The following KRT7 variants were observed in gnomAD, a reference collection of about 807,000 sequenced individuals.
KRT7 encodes keratin, type II cytoskeletal 7.
In KRT7, 50 loss-of-function variants were observed where a neutral mutation model predicts 42.8. That is an observed-to-expected ratio of 1.17 (90% CI 0.93 to 1.48). The LOEUF is 1.48. Among genes scored for constraint, KRT7 ranks in the 40% most tolerant of loss-of-function variants. KRT7 has a pLI of 0.00. For synonymous variants in KRT7, 268 were observed against 266.3 expected (o/e 1.01, Z -0.06); for missense variants, 588 against 637.6 (o/e 0.92, Z 0.84).
intron 3 of KRT7, 91 bp downstream of exon 3, chr12:52,237,660 C>T (rs1942030463): frequency 8.9e-7 from 1 of 1,124,706 alleles, no homozygotes; most frequent in Non-Finnish European, 1.3e-6. Flanking sequence ...CCATGGGGAC[C>T]TCTGGCCAAG....
intron 5 of KRT7, 184 bp downstream of exon 5, chr12:52,241,820 T>C: frequency 1.9e-6 from 1 of 531,500 alleles, no homozygotes; most frequent in Admixed American, 3.4e-5. Context: ...GCAGAGGAAA[T>C]AGATATGGAT....
At chr12:52,237,942 C>T (rs964213185) in intron 3 of KRT7, among the ~76,000 whole-genome samples, 1 of 152,198 alleles carries the variant, frequency 6.6e-6, no homozygotes, top group African/African-American at 2.4e-5. Flanking sequence ...AATGAGCTGC[C>T]TCGAGCCAGC....
chr12:52,250,686 G>A (rs35061948), downstream of KRT7: 159,244 of 585,536 alleles, frequency 0.27, 22,540 homozygotes, highest in Admixed American at 0.3. Flanking sequence ...GCGGCCAGAG[G>A]CCCCTTCTGC....
chr12:52,236,139 A>G (rs1157975104), intron 2 of KRT7, among the ~76,000 whole-genome samples: 2 of 151,922 alleles, frequency 1.3e-5, no homozygotes. Context: ...CTGTGTGACT[A>G]AGCAGGAGTC....
At chr12:52,244,735 C>CT (rs1166216299) in intron 6 of KRT7, 2 of 738,440 alleles carry the variant, frequency 2.7e-6, no homozygotes, top group East Asian at 2.6e-4. Context: ...AGAGGGCACT[C>CT]TAAGGCCAGG....
intron 3 of KRT7, 22 bp from the exon 4 acceptor site, chr12:52,238,658 C>T: frequency 6.7e-7 from 1 of 1,487,880 alleles, no homozygotes; most frequent in Non-Finnish European, 9.4e-7. Flanking sequence ...CTCCCTCTGC[C>T]CCATCTTGCC....
chr12:52,233,614 C>G lies in KRT7; in HGVS notation c.318C>G (p.Ile106Met). The part of the protein sequence containing the change: ...KTLNNKFASF[I>M]DKVRFLEQQN... ...TCAACAACAAGTTTGCCTCCTTCAT[C>G]GACAAGGTGAGCGGGACTGGACCTC... Residue 106 changes from isoleucine (I) to methionine (M), a missense_variant, in exon 1 of 9, where the codon ATC (isoleucine) becomes ATG (methionine). Physicochemically the swap from Ile to Met is conservative, Grantham distance 10 (BLOSUM62 1). Transcript: ENST00000331817. 2 of 1,612,524 alleles carry G rather than the reference C, an allele frequency of 1.2e-6. No homozygotes were observed. The highest frequency in any genetic ancestry group is 1.9e-4 in the Middle Eastern group (1 of 5,256).
chr12:52,234,129 G>GT (rs1467979094), intron 1 of KRT7, among the ~76,000 whole-genome samples: 3 of 145,378 alleles, frequency 2.1e-5, no homozygotes, highest in Non-Finnish European at 4.5e-5. Flanking sequence ...GGCGGGGGAG[G>GT]GGGGGGGGCT....
chr12:52,252,427 G>A (rs760490332), downstream of KRT7: 96 of 1,614,026 alleles, frequency 5.9e-5, no homozygotes, highest in Non-Finnish European at 4.5e-5. Flanking sequence ...GCATCACTGA[G>A]GGCCGCCTCA....
downstream of KRT7, chr12:52,254,274 C>A: frequency 1.0e-6 from 1 of 954,192 alleles, no homozygotes; most frequent in Non-Finnish European, 1.6e-6. Context: ...CGCACCTCCT[C>A]ATATAGCCGC....
Position 52,248,171 on chromosome 12 carries a change from C to T in KRT7, c.1206-6C>T, listed in dbSNP as rs759361800. ...GCCGTCCTCACTGTCTGTCCTCTGC[C>T]CCCAGGTTGGCTGGAGATGGAGTGG... On this transcript the variant is annotated splice_region_variant and splice_polypyrimidine_tract_variant and intron_variant, in intron 7 of 8. Coordinates refer to ENST00000331817, the MANE Select transcript of KRT7 (RefSeq NM_005556.4). 3 of 1,614,076 alleles carry T rather than the reference C, an allele frequency of 1.9e-6. No homozygotes were observed. The highest frequency in any genetic ancestry group is 1.7e-6 in the Non-Finnish European group (2 of 1,179,986).
Position 52,234,127 on chromosome 12 carries a change from A to AGGG in KRT7, c.324+515_324+517dup, listed in dbSNP as rs574825664. On this transcript the variant is annotated intron_variant, in intron 1 of 8. Transcript: ENST00000331817. ...AGAGCGGCAGTCGGTGGGGCGGGGGAGGGGGGGGGGCTCCCGCCCCTCCCC... is the reference window on the plus strand; with the variant it reads ...AGAGCGGCAGTCGGTGGGGCGGGGGAGGGGGGGGGGGGGCTCCCGCCCCTCCCC... Among the ~76,000 whole-genome samples the AGGG allele has an allele frequency of 8.1e-3, 670 of 82,770 alleles. 12 individuals are homozygous for AGGG. Among genetic ancestry groups the AGGG allele is most frequent in the East Asian group, 0.024 (55 of 2,322 alleles). 54.3% of individuals were successfully genotyped at this position (82,770 alleles called of 152,430 possible).
chr12:52,238,698 A>G lies in KRT7; in HGVS notation c.616A>G (p.Met206Val), dbSNP rs142492657. ...CCCCCAGGATGTGGATGCTGCCTAC[A>G]TGAGCAAGGTGGAGCTGGAGGCCAA... is the stretch of plus-strand genomic sequence containing the variant. ...VLKKDVDAAYMSKVELEAKVD... is the reference protein window; with the variant it reads ...VLKKDVDAAYVSKVELEAKVD... The change falls in exon 4 of 9, where the codon ATG becomes GTG. Residue 206 changes from methionine (M) to valine (V), a missense_variant. Coordinates refer to ENST00000331817, the MANE Select transcript of KRT7 (RefSeq NM_005556.4). 341 of 1,613,780 alleles carry G rather than the reference A, an allele frequency of 2.1e-4. No individual in the cohort carries two copies. In the African/African-American group the frequency reaches 4.0e-3, roughly 19 times the overall value.
chr12:52,245,500 A>G lies in KRT7; in HGVS notation c.1073A>G (p.Glu358Gly). 1 of 1,613,978 alleles carries G rather than the reference A, an allele frequency of 6.2e-7. No individual in the cohort carries two copies. Among genetic ancestry groups the G allele is most frequent in the Non-Finnish European group, 8.5e-7 (1 of 1,179,878 alleles). The change falls in exon 7 of 9, where the codon GAA becomes GGA. Residue 358 changes from glutamate (E) to glycine (G), a missense_variant. Coordinates refer to ENST00000331817, the MANE Select transcript of KRT7 (RefSeq NM_005556.4). ...KDARAKQEEL[E>G]AALQRGKQDM... ...GCTCGTGCCAAGCAGGAGGAGCTGG[A>G]AGCCGCCCTGCAGCGGGGCAAGCAG...
chr12:52,248,027 T>G (rs1041829850), intron 7 of KRT7, 150 bp from the exon 8 acceptor site: 3 of 740,540 alleles, frequency 4.1e-6, no homozygotes, highest in Non-Finnish European at 6.9e-6. Flanking sequence ...GCCTCCTCGC[T>G]CCTTTTACAA....
intron 6 of KRT7, among the ~76,000 whole-genome samples, chr12:52,244,001 A>G (rs1208048886): frequency 6.6e-6 from 1 of 152,058 alleles, no homozygotes; most frequent in African/African-American, 2.4e-5. Flanking sequence ...CTGGGGTTGG[A>G]GGTGTTGATG....
At chr12:52,233,724 C>A (rs1941959655) in intron 1 of KRT7, 104 bp downstream of exon 1, 3 of 1,127,980 alleles carry the variant, frequency 2.7e-6, no homozygotes, top group Non-Finnish European at 4.0e-6. Context: ...GGGAGCACTG[C>A]CGCCCTTCTG....
rs201753548 is a variant in KRT7 at position 52,248,806 on chromosome 12, A to G, written c.*46A>G. On this transcript the variant is annotated 3_prime_UTR_variant, in exon 9 of 9. Transcript: ENST00000331817. Reference sequence around the variant, plus strand: ...TCCTCCAGCCACCACCCACAATCACAAGAAGATTCCCACCCCTGCCTCCCA... The same window carrying G: ...TCCTCCAGCCACCACCCACAATCACGAGAAGATTCCCACCCCTGCCTCCCA... 2.3e-4 allele frequency: 338 copies of G among 1,477,042 alleles called. No homozygotes were observed. The African/African-American group carries it at 4.3e-3, about 19-fold the overall frequency. The allele number at this position is 1,477,042 out of a possible 1,614,324, so 91.5% of individuals were successfully genotyped here. A position where few individuals can be genotyped will look rare whatever the true frequency, so the allele number is the denominator to read the frequency against.
At chr12:52,242,260 A>G (rs913878344) in intron 5 of KRT7, among the ~76,000 whole-genome samples, 12 of 152,190 alleles carry the variant, frequency 7.9e-5, no homozygotes, top group African/African-American at 2.9e-4. Context: ...GGCGTGAGAC[A>G]CCGCACCCAG....
Sources: gnomAD v4.1 joint callset for allele counts (sites outside exome capture counted in the v4.1 genomes callset) on GRCh38, gnomAD v4.1.1 for gene constraint, MANE v1.5 for transcripts, NCBI Gene and HGNC (gene_info 2026-07-23, HGNC 2026-07-21) for gene names.